Variants in LAMA5 observed in about 807,000 individuals in gnomAD.
LAMA5 encodes laminin subunit alpha-5.
A neutral mutation model predicts 433.4 loss-of-function variants in LAMA5; 260 were observed. The ratio of observed to expected loss-of-function variants is 0.60; its 90% CI spans 0.54 to 0.66. LAMA5 has a LOEUF of 0.66. LAMA5 is among the 30% of genes least tolerant of loss of function. The pLI, the probability that LAMA5 is intolerant of heterozygous loss-of-function variation, is 0.00. For synonymous variants in LAMA5, 2,620 were observed against 2,226.6 expected (o/e 1.18, Z -4.97); for missense variants, 5,378 against 5,258.5 (o/e 1.02, Z -0.70).
intron 1 of LAMA5, among the ~76,000 whole-genome samples, chr20:62,364,524 G>A (rs1293110961): frequency 6.6e-6 from 1 of 152,226 alleles, no homozygotes; most frequent in African/African-American, 2.4e-5. Flanking sequence ...AGCCACAGAG[G>A]ACAGGGTTGG....
intron 55 of LAMA5, 58 bp from the exon 56 acceptor site, chr20:62,317,081 C>T: frequency 6.8e-7 from 1 of 1,474,750 alleles, no homozygotes; most frequent in African/African-American, 1.4e-5. Context: ...CGGCCTGGCT[C>T]TCCAGCCTCC....
At chr20:62,354,474 C>A (rs1205900377) in intron 2 of LAMA5, among the ~76,000 whole-genome samples, 3 of 152,008 alleles carry the variant, frequency 2.0e-5, no homozygotes, top group Non-Finnish European at 4.4e-5. Context: ...GGCCTCCATG[C>A]CTGCACCTGG....
At chr20:62,325,578 C>A in intron 40 of LAMA5, 32 bp from the exon 41 acceptor site, 1 of 1,451,832 alleles carries the variant, frequency 6.9e-7, no homozygotes, top group Non-Finnish European at 9.6e-7. Context: ...TCAGTGGGGC[C>A]ACACTCAATG....
At position 62,367,249 on chromosome 20, in the gene LAMA5, C is replaced by G. The variant is rs757737335; in HGVS notation, c.-4G>C. On this transcript the variant is annotated 5_prime_UTR_variant, in exon 1 of 80. Coordinates refer to ENST00000252999, the MANE Select transcript of LAMA5 (RefSeq NM_005560.6). Reference sequence around the variant, plus strand: ...CCGCGCAGAGCCGCTTCGCCATCTTCCCGGCTCCGGGCCGCGTCCCCGAGC... The same window carrying G: ...CCGCGCAGAGCCGCTTCGCCATCTTGCCGGCTCCGGGCCGCGTCCCCGAGC... The G allele has an allele frequency of 1.1e-5, 13 of 1,174,268 alleles. No individual in the cohort carries two copies. The South Asian group carries it at 3.1e-4, about 28-fold the overall frequency. 72.7% of individuals were successfully genotyped at this position (1,174,268 alleles called of 1,614,324 possible).
intron 2 of LAMA5, among the ~76,000 whole-genome samples, chr20:62,357,186 G>A (rs1985362094): frequency 6.6e-6 from 1 of 152,136 alleles, no homozygotes; most frequent in Admixed American, 6.5e-5. Flanking sequence ...GGGAGACCAG[G>A]GCCAGGTCCA....
intron 32 of LAMA5, 26 bp from the exon 33 acceptor site, chr20:62,329,279 C>T (rs1024310086): frequency 6.4e-6 from 10 of 1,558,502 alleles, no homozygotes; most frequent in Non-Finnish European, 8.8e-6. Context: ...TGGTCACTCT[C>T]CCGCGGGCCC....
At chr20:62,342,881 T>C (rs1312911832) in intron 11 of LAMA5, among the ~76,000 whole-genome samples, 1 of 152,188 alleles carries the variant, frequency 6.6e-6, no homozygotes, top group Non-Finnish European at 1.5e-5. Context: ...CAAAATAAAA[T>C]ATTGATGTTC....
intron 26 of LAMA5, 130 bp from the exon 27 acceptor site, chr20:62,332,847 TC>T: frequency 8.4e-7 from 1 of 1,187,156 alleles, no homozygotes; most frequent in Non-Finnish European, 1.2e-6. Flanking sequence ...CCCGGACATC[TC>T]CAGGCAAGTG....
chr20:62,315,367 T>C (rs1378832002), intron 58 of LAMA5, among the ~76,000 whole-genome samples, 160 bp from the exon 59 acceptor site: 1 of 152,038 alleles, frequency 6.6e-6, no homozygotes, highest in African/African-American at 2.4e-5. Context: ...AAACCCATCC[T>C]AAATGCCTCC....
At position 62,312,268 on chromosome 20, in the gene LAMA5, G is replaced by A; in HGVS notation, c.9409C>T (p.Leu3137Phe). 6.2e-7 allele frequency: 1 copy of A among 1,611,336 alleles called. No individual in the cohort carries two copies. The highest frequency in any genetic ancestry group is 8.5e-7 in the Non-Finnish European group (1 of 1,179,508). The change falls in exon 69 of 80, where the codon CTC (leucine) becomes TTC (phenylalanine). Residue 3137 changes from leucine to phenylalanine, a missense_variant. Coordinates refer to ENST00000252999, the MANE Select transcript of LAMA5 (RefSeq NM_005560.6). ...FHGHGFLRLA[L>F]SNVAPLTGNV... ...CCAGTGAGCGGTGCCACGTTCGAGA[G>A]CGCCAGGCGAAGGAAGCCGTGGCCA...
chr20:62,333,651 G>A lies in LAMA5; in HGVS notation c.2934C>T (p.Ile978=). ...CTCCGAAGCCCCTCTGGGGCACGGT[G>A]ATGAAGGCAGGCTCCGTGCTGGGTG... ...AFPPSTEPAF[I]TVPQRGFGEP... The change falls in exon 24 of 80, where the codon ATC becomes ATT. Residue 978 remains isoleucine, a synonymous_variant. Coordinates refer to ENST00000252999, the MANE Select transcript of LAMA5 (RefSeq NM_005560.6). 2 of 1,593,132 alleles carry A rather than the reference G, an allele frequency of 1.3e-6. No homozygotes were observed. Among genetic ancestry groups the A allele is most frequent in the Non-Finnish European group, 1.7e-6 (2 of 1,171,508 alleles).
At chr20:62,337,085 C>T (rs571855362) in intron 16 of LAMA5, 25 of 617,006 alleles carry the variant, frequency 4.1e-5, no homozygotes, top group Middle Eastern at 2.5e-4. Flanking sequence ...CACAAACGCA[C>T]GTGAAGATGC....
At chr20:62,355,831 C>T (rs967159656) in intron 2 of LAMA5, among the ~76,000 whole-genome samples, 3 of 152,022 alleles carry the variant, frequency 2.0e-5, no homozygotes, top group Admixed American at 2.0e-4. Flanking sequence ...GGGAAGGACC[C>T]GCTAGAGGTG....
chr20:62,309,343 GC>G lies in LAMA5; in HGVS notation c.11080del (p.Ala3694ProfsTer33). 1 of 1,591,070 alleles carries G rather than the reference GC, an allele frequency of 6.3e-7. No homozygotes were observed. Among genetic ancestry groups the G allele is most frequent in the Non-Finnish European group, 8.5e-7 (1 of 1,177,086 alleles). On this transcript the variant is annotated frameshift_variant, in exon 80 of 80. Coordinates refer to ENST00000252999, the MANE Select transcript of LAMA5 (RefSeq NM_005560.6). LOFTEE classifies it high-confidence loss of function. ...HGAVGASGCP[A>X]A The stretch of plus-strand genomic sequence containing the variant: ...GCCGGGGTTGGCTGTGTCCTAGGCG[GC>G]TGGGCAGCCACTGGCCCCCACTGCC...
chr20:62,346,548 G>A lies in LAMA5; in HGVS notation c.1240C>T (p.Arg414Cys), dbSNP rs371701601. 8.9e-5 allele frequency: 139 copies of A among 1,559,186 alleles called. No homozygotes were observed. Among genetic ancestry groups the A allele is most frequent in the Non-Finnish European group, 1.1e-4 (128 of 1,151,614 alleles). ...GAGTCGAGAGGGTGGTTGGGAGAGC[G>A]GTAGAAGCCGGGCAGGCAGCGCTCA... Reference protein sequence around the residue: ...NCERCLPGFYRSPNHPLDSPH... With the variant: ...NCERCLPGFYCSPNHPLDSPH... The change falls in exon 9 of 80, where the codon CGC (arginine) becomes TGC (cysteine). Residue 414 changes from arginine to cysteine, a missense_variant. Arg to Cys is a radical substitution (Grantham distance 180). Transcript: ENST00000252999.
intron 11 of LAMA5, among the ~76,000 whole-genome samples, chr20:62,341,743 C>T (rs1227095992): frequency 6.7e-6 from 1 of 149,692 alleles, no homozygotes; most frequent in South Asian, 2.1e-4. Flanking sequence ...AAAGAAAAAC[C>T]TCAGCAGGTC....
chr20:62,335,092 C>T lies in LAMA5; in HGVS notation c.2411G>A (p.Cys804Tyr). The change falls in exon 20 of 80, where the codon TGC becomes TAC. Residue 804 changes from cysteine (C) to tyrosine (Y), a missense_variant. Transcript: ENST00000252999. ...CTTGCAGGACGCGCAGGCCTGGCCG[C>T]ACACGTGGGGCTTGCAGAAGCACTG... ...TGQCFCKPHV[C>Y]GQACASCKDG... The T allele has an allele frequency of 6.2e-7, 1 of 1,613,042 alleles. No individual in the cohort carries two copies. The highest frequency in any genetic ancestry group is 8.5e-7 in the Non-Finnish European group (1 of 1,179,722).
At position 62,311,738 on chromosome 20, in the gene LAMA5, G is replaced by A. The variant is rs368927037; in HGVS notation, c.9682C>T (p.Arg3228Trp). 9.2e-5 allele frequency: 143 copies of A among 1,560,934 alleles called. No homozygotes were observed. Among genetic ancestry groups the A allele is most frequent in the East Asian group, 3.8e-4 (16 of 41,936 alleles). Residue 3228 changes from arginine (R) to tryptophan (W), a missense_variant, in exon 71 of 80, where the codon CGG (arginine) becomes TGG (tryptophan). Arg to Trp is a moderately radical substitution (Grantham distance 101, BLOSUM62 -3). Transcript: ENST00000252999. The part of the protein sequence containing the change: ...DDQLQQMKPH[R>W]GPPPELQPQP... ...GGCTGGAGCTCGGGGGGTGGTCCCC[G>A]GTGGGGCTTCATCTGCTGGAGCTGG...
chr20:62,335,302 G>A (rs750680463), intron 18 of LAMA5, 33 bp from the exon 19 acceptor site: 1 of 1,609,482 alleles, frequency 6.2e-7, no homozygotes, highest in South Asian at 1.1e-5. Context: ...CAGATGCTTG[G>A]TGGGGCAGGA....
Sources: gnomAD v4.1 joint callset for allele counts (sites outside exome capture counted in the v4.1 genomes callset) on GRCh38, gnomAD v4.1.1 for gene constraint, MANE v1.5 for transcripts, NCBI Gene and HGNC (gene_info 2026-07-23, HGNC 2026-07-21) for gene names.